HIBADH: variants seen among roughly 807,000 people sequenced by gnomAD.
HIBADH encodes the protein 3-hydroxyisobutyrate dehydrogenase, mitochondrial.
A neutral mutation model predicts 36.1 loss-of-function variants in HIBADH; 25 were observed. The observed-to-expected ratio is 0.69, with a 90% CI of 0.50 to 0.97. HIBADH has a LOEUF of 0.97. Ranked by LOEUF, HIBADH falls within the 50% of genes least tolerant of loss-of-function variation. HIBADH has a pLI of 0.00. For missense variants in HIBADH, 421 were observed against 418.0 expected (o/e 1.01, Z -0.06); for synonymous variants, 160 against 149.5 (o/e 1.07, Z -0.51).
chr7:27,628,030 AC>A (rs544309357), intron 4 of HIBADH, among the ~76,000 whole-genome samples: 2 of 152,200 alleles, frequency 1.3e-5, no homozygotes, highest in Non-Finnish European at 2.9e-5. Context: ...TTTGTACCAT[AC>A]CAATTTTCAA....
intron 4 of HIBADH, among the ~76,000 whole-genome samples, chr7:27,549,062 G>A (rs190841570): frequency 2.0e-5 from 3 of 152,056 alleles, no homozygotes; most frequent in Non-Finnish European, 4.4e-5. Context: ...TTTATTAGAC[G>A]CTGAGTTCTG....
intron 4 of HIBADH, among the ~76,000 whole-genome samples, chr7:27,571,260 T>C (rs1430035610): frequency 1.3e-5 from 2 of 152,158 alleles, no homozygotes; most frequent in Non-Finnish European, 2.9e-5. Context: ...TTTGCTCTCG[T>C]TGCCCAAGCT....
chr7:27,615,466 G>A (rs919936682), intron 4 of HIBADH, among the ~76,000 whole-genome samples: 12 of 152,146 alleles, frequency 7.9e-5, no homozygotes, highest in African/African-American at 2.2e-4. Flanking sequence ...CACAAGAGAC[G>A]TTTAACAGCT....
chr7:27,628,852 G>A (rs961435527), intron 4 of HIBADH, among the ~76,000 whole-genome samples: 1 of 151,892 alleles, frequency 6.6e-6, no homozygotes, highest in Non-Finnish European at 1.5e-5. Context: ...GTAAATATCA[G>A]AGTTATAAAG....
chr7:27,662,745 C>G lies in HIBADH; in HGVS notation c.44G>C (p.Arg15Pro). Residue 15 changes from arginine to proline, a missense_variant, in exon 1 of 8, where the codon CGG (arginine) becomes CCG (proline). Transcript: ENST00000265395. ...CGGCCGCAGCCGCCGGCTCCAGTAC[C>G]GGAGACCGGAGGCAGCTCCGAGGAG... is the stretch of plus-strand genomic sequence containing the variant. ...LRLLGAASGL[R>P]YWSRRLRPAA... is the part of the protein sequence containing the mutation. 7.0e-7 allele frequency: 1 copy of G among 1,428,782 alleles called. No homozygotes were observed. Among genetic ancestry groups the G allele is most frequent in the South Asian group, 1.4e-5 (1 of 69,856 alleles). The allele number at this position is 1,428,782 out of a possible 1,614,324, so 88.5% of individuals were successfully genotyped here.
rs764171420 is a variant in HIBADH at position 27,526,396 on chromosome 7, C to A, written c.853-24G>T. On this transcript the variant is annotated intron_variant, in intron 7 of 7. Coordinates refer to ENST00000265395, the MANE Select transcript of HIBADH (RefSeq NM_152740.4). ...TCCTAAATCAAACAGGAGGAGAGAA[C>A]ACGCTGAGACTGGTGGTAAAGGCTC... 1.9e-6 allele frequency: 3 copies of A among 1,586,786 alleles called. No homozygotes were observed. In the South Asian group the frequency reaches 3.5e-5, roughly 18 times the overall value.
At chr7:27,569,542 T>C (rs1450332376) in intron 4 of HIBADH, among the ~76,000 whole-genome samples, 1 of 152,140 alleles carries the variant, frequency 6.6e-6, no homozygotes, top group Non-Finnish European at 1.5e-5. Flanking sequence ...GTATGCTGTT[T>C]AGGGTCAGAT....
At chr7:27,599,884 C>CAAAAAA (rs1785098719) in intron 4 of HIBADH, among the ~76,000 whole-genome samples, 1 of 149,218 alleles carries the variant, frequency 6.7e-6, no homozygotes, top group South Asian at 2.1e-4. Context: ...TATAATCACA[C>CAAAAAA]AAAAAATTCA....
Position 27,662,749 on chromosome 7 carries a change from G to A in HIBADH, c.40C>T (p.Leu14Phe). 1 of 1,433,578 alleles carries A rather than the reference G, an allele frequency of 7.0e-7. No homozygotes were observed. The highest frequency in any genetic ancestry group is 1.4e-5 in the South Asian group (1 of 70,546). 88.8% of individuals were successfully genotyped at this position (1,433,578 alleles called of 1,614,324 possible). A position where few individuals can be genotyped will look rare whatever the true frequency, so the allele number is the denominator to read the frequency against. Residue 14 changes from leucine to phenylalanine, a missense_variant, in exon 1 of 8, where the codon CTC becomes TTC. Physicochemically the swap from Leu to Phe is conservative, Grantham distance 22. Coordinates refer to ENST00000265395, the MANE Select transcript of HIBADH (RefSeq NM_152740.4). ...SLRLLGAASG[L>F]RYWSRRLRPA... ...CGCAGCCGCCGGCTCCAGTACCGGA[G>A]ACCGGAGGCAGCTCCGAGGAGCCGT...
chr7:27,552,618 A>G (rs914035437), intron 4 of HIBADH, among the ~76,000 whole-genome samples: 10 of 152,228 alleles, frequency 6.6e-5, no homozygotes, highest in African/African-American at 2.2e-4. Flanking sequence ...TGGCAGTTGA[A>G]TAAACGCTAG....
Position 27,531,277 on chromosome 7 carries a change from G to T in HIBADH, c.767C>A (p.Thr256Asn), listed in dbSNP as rs1358999148. Residue 256 changes from threonine to asparagine, a missense_variant, in exon 7 of 8, where the codon ACT becomes AAT. Physicochemically the swap from Thr to Asn is moderately conservative, Grantham distance 65. Transcript: ENST00000265395. The part of the protein sequence containing the change: ...MSSGRCWSSD[T>N]YNPVPGVMDG... ...CATCACTCCAGGTACAGGATTATAA[G>T]TGTCACTTGACCAACACCGTCCTGA... 2 of 1,614,020 alleles carry T rather than the reference G, an allele frequency of 1.2e-6. No individual in the cohort carries two copies. Among genetic ancestry groups the T allele is most frequent in the Admixed American group, 1.7e-5 (1 of 60,006 alleles).
At chr7:27,612,278 A>G (rs1476233281) in intron 4 of HIBADH, among the ~76,000 whole-genome samples, 1 of 152,018 alleles carries the variant, frequency 6.6e-6, no homozygotes, top group Admixed American at 6.6e-5. Context: ...GAAGAAAGAA[A>G]TGCAGACCTT....
rs116989270 is a variant in HIBADH, at chr7:27,655,228, T to G, written c.92-5595A>C. On this transcript the variant is annotated intron_variant, in intron 1 of 7. Coordinates refer to ENST00000265395, the MANE Select transcript of HIBADH (RefSeq NM_152740.4). The stretch of plus-strand genomic sequence containing the variant: ...CCTGACTTTAAAAAAAAGCTAGCCT[T>G]TAAGAAAATAATGAAATTTTGAATG... 1.8e-3 allele frequency among the ~76,000 whole-genome samples: 269 copies of G among 152,308 alleles called. 4 individuals carry two copies. The East Asian group carries it at 0.041, about 23-fold the overall frequency.
At chr7:27,547,058 T>C (rs1784244544) in intron 4 of HIBADH, among the ~76,000 whole-genome samples, 1 of 152,184 alleles carries the variant, frequency 6.6e-6, no homozygotes, top group African/African-American at 2.4e-5. Flanking sequence ...CCTCTCAGTA[T>C]AAAATCCCAA....
At chr7:27,611,006 A>C (rs1303954003) in intron 4 of HIBADH, among the ~76,000 whole-genome samples, 1 of 152,212 alleles carries the variant, frequency 6.6e-6, no homozygotes, top group African/African-American at 2.4e-5. Flanking sequence ...TACCTCTCTA[A>C]GAGAAATTTC....
intron 1 of HIBADH, among the ~76,000 whole-genome samples, chr7:27,652,323 T>C (rs528206319): frequency 1.3e-5 from 2 of 150,490 alleles, no homozygotes; most frequent in Admixed American, 1.3e-4. Flanking sequence ...AAAAAAAAAA[T>C]GCAACCATAA....
chr7:27,604,695 C>G (rs1325793789), intron 4 of HIBADH, among the ~76,000 whole-genome samples: 1 of 152,016 alleles, frequency 6.6e-6, no homozygotes, highest in Non-Finnish European at 1.5e-5. Flanking sequence ...AGACTACTTT[C>G]AAAAGTGAAA....
rs532962417 is a variant in HIBADH at position 27,589,328 on chromosome 7, T to C, written c.484+40043A>G. On this transcript the variant is annotated intron_variant, in intron 4 of 7. Coordinates refer to ENST00000265395, the MANE Select transcript of HIBADH (RefSeq NM_152740.4). ...TAAAACCTTTTCCTTCAAATCTTTA[T>C]ACATAAGTAGAAAACGAGTAACTAG... Among the ~76,000 whole-genome samples, 6 of 152,314 alleles carry C rather than the reference T, an allele frequency of 3.9e-5. No homozygotes were observed. In the East Asian group the frequency reaches 5.8e-4, roughly 15 times the overall value.
At chr7:27,617,848 G>A (rs1407042705) in intron 4 of HIBADH, among the ~76,000 whole-genome samples, 1 of 152,152 alleles carries the variant, frequency 6.6e-6, no homozygotes, top group Non-Finnish European at 1.5e-5. Flanking sequence ...AACTCATCCT[G>A]GGTCATTCAC....
Sources: allele counts gnomAD v4.1 joint callset (sites outside exome capture counted in the v4.1 genomes callset), GRCh38; gene constraint gnomAD v4.1.1; transcripts MANE v1.5; gene names NCBI Gene and HGNC (gene_info 2026-07-23, HGNC 2026-07-21).